FKBP8: variants seen among roughly 807,000 people sequenced by gnomAD.
The protein encoded by FKBP8 is FKBP prolyl isomerase 8, also known as peptidyl-prolyl cis-trans isomerase FKBP8.
FKBP8 carries 5 observed loss-of-function variants against 41.7 expected under a neutral mutation model. The ratio of observed to expected loss-of-function variants is 0.12; its 90% CI spans 0.06 to 0.25. FKBP8 has a LOEUF of 0.25. Among genes scored for constraint, FKBP8 ranks in the 10% least tolerant of loss-of-function variants. The probability of loss-of-function intolerance (pLI) is 1.00; values close to 1 mark genes in which losing one functional copy is unlikely to be tolerated. For missense variants in FKBP8, 397 were observed against 563.0 expected, an observed-to-expected ratio of 0.71 and a Z score of 2.98; for synonymous variants, 279 against 254.5, an observed-to-expected ratio of 1.10 and a Z score of -0.92.
chr19:18,540,514 A>G (rs1322632981), intron 2 of FKBP8, among the ~76,000 whole-genome samples: 3 of 151,994 alleles, frequency 2.0e-5, no homozygotes, highest in Non-Finnish European at 4.4e-5. Flanking sequence ...CAGGAGGATC[A>G]CTTGAGGTTA....
chr19:18,533,672 C>T (rs985368256), intron 6 of FKBP8, among the ~76,000 whole-genome samples: 10 of 151,478 alleles, frequency 6.6e-5, no homozygotes, highest in African/African-American at 1.5e-4. Flanking sequence ...CCACTGCACC[C>T]CAGTCTGGGT....
Position 18,531,883 on chromosome 19 carries a change from T to G in FKBP8, c.*286A>C, listed in dbSNP as rs1289476522. ...GCAGGGGAAGGGCTGCCCCCAGGCC[T>G]GTTGAGGAGAAACTGAGGCCAGCCC... On this transcript the variant is annotated 3_prime_UTR_variant, in exon 9 of 9. Transcript: ENST00000608443. The G allele has an allele frequency of 3.4e-5, 15 of 440,966 alleles. No homozygotes were observed. Among genetic ancestry groups the G allele is most frequent in the Non-Finnish European group, 5.9e-5 (14 of 238,176 alleles). The allele number at this position is 440,966 out of a possible 1,614,324, so 27.3% of individuals were successfully genotyped here. A position where few individuals can be genotyped will look rare whatever the true frequency, so the allele number is the denominator to read the frequency against.
Position 18,537,384 on chromosome 19 carries a change from T to C in FKBP8, c.945+217A>G, listed in dbSNP as rs1190781451. ...CAAACAAAAAACACTGGGCCAAAGGTTGGGGACCCAAGACTCGAGGATCAA... is the reference window on the plus strand; with the variant it reads ...CAAACAAAAAACACTGGGCCAAAGGCTGGGGACCCAAGACTCGAGGATCAA... On this transcript the variant is annotated intron_variant, in intron 6 of 8. Transcript: ENST00000608443. This position sits in a 1 kb window ranked among gnomAD's most constrained non-coding sequence, Gnocchi z 4.4. 1.3e-5 allele frequency among the ~76,000 whole-genome samples: 2 copies of C among 152,018 alleles called. No individual in the cohort carries two copies. The highest frequency in any genetic ancestry group is 2.4e-5 in the African/African-American group (1 of 41,400).
chr19:18,532,987 G>T (rs953528578), intron 7 of FKBP8, 192 bp from the exon 8 acceptor site: 5 of 925,046 alleles, frequency 5.4e-6, no homozygotes, highest in Non-Finnish European at 7.9e-6. Flanking sequence ...TGATGGCGCA[G>T]AGCACAAGGT....
Position 18,538,070 on chromosome 19 carries a change from C to A in FKBP8, c.772+146G>T. 1 of 895,814 alleles carries A rather than the reference C, an allele frequency of 1.1e-6. No individual in the cohort carries two copies. 55.5% of individuals were successfully genotyped at this position (895,814 alleles called of 1,614,324 possible). ...GATATACCACGAGTCTGTAACAGGC[C>A]CTAGCTTAGGGGCAGTTGGGGATCT... On this transcript the variant is annotated intron_variant, in intron 5 of 8. Coordinates refer to ENST00000608443, the MANE Select transcript of FKBP8 (RefSeq NM_012181.5). This position sits in a 1 kb window ranked among gnomAD's most constrained non-coding sequence, Gnocchi z 4.0.
intron 2 of FKBP8, 146 bp from the exon 3 acceptor site, chr19:18,539,866 A>G (rs1156321691): frequency 8.9e-6 from 8 of 899,406 alleles, no homozygotes; most frequent in East Asian, 2.5e-5. Flanking sequence ...CAAACTTCCA[A>G]TGGCCACTCT....
At chr19:18,539,822 C>T in intron 2 of FKBP8, 102 bp from the exon 3 acceptor site, 2 of 1,375,822 alleles carry the variant, frequency 1.5e-6, no homozygotes, top group Non-Finnish European at 2.0e-6. Context: ...CACTAGCTGT[C>T]CAGAGGGGGC....
chr19:18,539,050 A>G (rs1485018349), intron 4 of FKBP8, among the ~76,000 whole-genome samples: 1 of 144,574 alleles, frequency 6.9e-6, no homozygotes, highest in Non-Finnish European at 1.5e-5. Context: ...TCCTGACCTC[A>G]TGATCCACCC....
In FKBP8 at chr19:18,532,749, T is replaced by A. The variant is rs747644640; in HGVS notation, c.1070A>T (p.Gln357Leu). The change falls in exon 8 of 9, where the codon CAG becomes CTG. Residue 357 changes from glutamine to leucine, a missense_variant. Gln to Leu is a moderately radical substitution (Grantham distance 113). Coordinates refer to ENST00000608443, the MANE Select transcript of FKBP8 (RefSeq NM_012181.5). ...LSKLVKKHAA[Q>L]RSTETALYRK... ...GTACAAGGCGGTCTCCGTGCTCCGCTGCGCCGCATGCTTCTTCACCAGCTT... is the reference window on the plus strand; with the variant it reads ...GTACAAGGCGGTCTCCGTGCTCCGCAGCGCCGCATGCTTCTTCACCAGCTT... 4 of 1,614,148 alleles carry A rather than the reference T, an allele frequency of 2.5e-6. No individual in the cohort carries two copies. Among genetic ancestry groups the A allele is most frequent in the Non-Finnish European group, 3.4e-6 (4 of 1,180,042 alleles).
In FKBP8 at chr19:18,533,284, C is replaced by G; in HGVS notation, c.1009G>C (p.Glu337Gln). 6.3e-7 allele frequency: 1 copy of G among 1,599,458 alleles called. No homozygotes were observed. The highest frequency in any genetic ancestry group is 8.5e-7 in the Non-Finnish European group (1 of 1,172,912). Residue 337 changes from glutamate to glutamine, a missense_variant, in exon 7 of 9, where the codon GAA (glutamate) becomes CAA (glutamine). Physicochemically the swap from Glu to Gln is conservative, Grantham distance 29 (BLOSUM62 2). Around this residue, in one of 2 missense-constraint regions of FKBP8, gnomAD observed 225 missense variants for 366.8 expected, o/e 0.61. Transcript: ENST00000608443. ...GTCCTGCTCACCTTGTTGGAAGGTTCCAGCTTCAGGGCTGCCCTCAGGATG... is the reference window on the plus strand; with the variant it reads ...GTCCTGCTCACCTTGTTGGAAGGTTGCAGCTTCAGGGCTGCCCTCAGGATG... Reference protein sequence around the residue: ...IPILRAALKLEPSNKTIHAEL... With the variant: ...IPILRAALKLQPSNKTIHAEL...
chr19:18,542,786 T>C, intron 1 of FKBP8: 1 of 732,084 alleles, frequency 1.4e-6, no homozygotes. Context: ...GCCCCAGACC[T>C]CCTGAACCAA....
At position 18,533,362 on chromosome 19, in the gene FKBP8, G is replaced by A. The variant is rs377158590; in HGVS notation, c.946-15C>T. On this transcript the variant is annotated splice_polypyrimidine_tract_variant and intron_variant, in intron 6 of 8. Transcript: ENST00000608443. ...TGGGCCAGCACCTGTAAGGGGAAGG[G>A]GGTGGCATCACTCTGGACCCATACC... 2.0e-4 allele frequency: 314 copies of A among 1,594,174 alleles called. No individual in the cohort carries two copies. The Middle Eastern group carries it at 2.1e-3, about 11-fold the overall frequency.
chr19:18,537,991 A>G lies in FKBP8; in HGVS notation c.773-218T>C. On this transcript the variant is annotated intron_variant, in intron 5 of 8. Transcript: ENST00000608443. This position sits in a 1 kb window ranked among gnomAD's most constrained non-coding sequence, Gnocchi z 4.4. The stretch of plus-strand genomic sequence containing the variant: ...TGGTACATGTGAACTGGCCCTGTCT[A>G]TGGTCACCCCATCCCCATATCCACT... 2 of 670,406 alleles carry G rather than the reference A, an allele frequency of 3.0e-6. No individual in the cohort carries two copies. The highest frequency in any genetic ancestry group is 1.8e-5 in the African/African-American group (1 of 55,146). 41.5% of individuals were successfully genotyped at this position (670,406 alleles called of 1,614,324 possible).
intron 7 of FKBP8, 151 bp from the exon 8 acceptor site, chr19:18,532,946 C>T: frequency 1.6e-6 from 2 of 1,276,134 alleles, no homozygotes; most frequent in Non-Finnish European, 2.1e-6. Flanking sequence ...AAAGTCAGGG[C>T]TGCTGACCCC....
Position 18,532,508 on chromosome 19 carries a change from G to C in FKBP8, c.1155+156C>G, listed in dbSNP as rs754069518. 3 of 1,206,576 alleles carry C rather than the reference G, an allele frequency of 2.5e-6. No homozygotes were observed. The East Asian group carries it at 7.6e-5, about 31-fold the overall frequency. The allele number at this position is 1,206,576 out of a possible 1,614,324, so 74.7% of individuals were successfully genotyped here. A position where few individuals can be genotyped will look rare whatever the true frequency, so the allele number is the denominator to read the frequency against. On this transcript the variant is annotated intron_variant, in intron 8 of 8. Coordinates refer to ENST00000608443, the MANE Select transcript of FKBP8 (RefSeq NM_012181.5). ...GCCCTCCAGCTTGAGTTCCACCTTC[G>C]ACTCCACTCATGATCACACAGGGCT...
chr19:18,536,937 GC>G (rs112695485), intron 6 of FKBP8, among the ~76,000 whole-genome samples: 242 of 152,344 alleles, frequency 1.6e-3, no homozygotes, highest in African/African-American at 4.1e-3. Context: ...AGAAGTGATA[GC>G]AGGAGGGGGA....
chr19:18,533,182 C>G (rs1256346647), intron 7 of FKBP8, 88 bp downstream of exon 7: 2 of 1,293,474 alleles, frequency 1.5e-6, no homozygotes, highest in Non-Finnish European at 2.1e-6. Flanking sequence ...GGGAACACAA[C>G]AGAGAGCCAC....
In FKBP8 at chr19:18,538,128, A is replaced by G. The variant is rs754707010; in HGVS notation, c.772+88T>C. 38 of 1,356,506 alleles carry G rather than the reference A, an allele frequency of 2.8e-5. No individual in the cohort carries two copies. Among genetic ancestry groups the G allele is most frequent in the Non-Finnish European group, 3.9e-5 (38 of 980,606 alleles). The allele number at this position is 1,356,506 out of a possible 1,614,324, so 84.0% of individuals were successfully genotyped here. On this transcript the variant is annotated intron_variant, in intron 5 of 8. Transcript: ENST00000608443. This position sits in a 1 kb window ranked among gnomAD's most constrained non-coding sequence, Gnocchi z 4.0. ...TTCTGGGCTATTCTAGAATATTCTG[A>G]GTCTGAGGCTCTCTGGGGCTGGAAG... is the stretch of plus-strand genomic sequence containing the variant.
chr19:18,532,294 G>A lies in FKBP8; in HGVS notation c.1156-39C>T, dbSNP rs570734346. On this transcript the variant is annotated intron_variant, in intron 8 of 8. Transcript: ENST00000608443. ...GGAGGGGAGAGAAGGGTGGAGGGAG[G>A]TCAAGACTGGCCTCTGGGGCCTCAG... is the stretch of plus-strand genomic sequence containing the variant. 28 of 1,543,264 alleles carry A rather than the reference G, an allele frequency of 1.8e-5. No homozygotes were observed. The East Asian group carries it at 5.1e-4, about 28-fold the overall frequency.
Sources: allele counts gnomAD v4.1 joint callset (sites outside exome capture counted in the v4.1 genomes callset), GRCh38; gene constraint gnomAD v4.1.1; regional missense constraint gnomAD v4.1.1; non-coding constraint Gnocchi (gnomAD v3.1); transcripts MANE v1.5; gene names NCBI Gene and HGNC (gene_info 2026-07-23, HGNC 2026-07-21).